UBR2: variants seen among roughly 807,000 people sequenced by gnomAD.
The protein encoded by UBR2 is ubiquitin protein ligase E3 component n-recognin 2.
UBR2 carries 92 observed loss-of-function variants against 247.9 expected under a neutral mutation model. That is an observed-to-expected ratio of 0.37 (90% CI 0.31 to 0.44). The LOEUF is 0.44. Ranked by LOEUF, UBR2 falls within the 20% of genes least tolerant of loss-of-function variation. The pLI is 1.00. For synonymous variants in UBR2, 672 were observed against 693.5 expected, an observed-to-expected ratio of 0.97 and a Z score of 0.49; for missense variants, 1,613 against 2,112.6, an observed-to-expected ratio of 0.76 and a Z score of 4.64.
chr6:42,640,481 A>C (rs1182607283), intron 16 of UBR2, among the ~76,000 whole-genome samples: 1 of 151,056 alleles, frequency 6.6e-6, no homozygotes, highest in African/African-American at 2.4e-5. Flanking sequence ...TGTTGTAAGG[A>C]ACTGGCTCAT....
chr6:42,594,973 A>G (rs779822321), intron 4 of UBR2, among the ~76,000 whole-genome samples: 7 of 152,200 alleles, frequency 4.6e-5, no homozygotes, highest in East Asian at 3.8e-4. Context: ...AAATCTTTCA[A>G]TGGTATGCTA....
rs200591128 is a variant in UBR2 at position 42,644,030 on chromosome 6, TG to T, written c.2098-183del. On this transcript the variant is annotated intron_variant, in intron 18 of 46. Coordinates refer to ENST00000372901, the MANE Select transcript of UBR2 (RefSeq NM_001363705.2). ...ATTTAGATTCCTTTCCACACTTGCCTGCTACCACAAGTAAGGATTGAGGTTA... is the reference window on the plus strand; with the variant it reads ...ATTTAGATTCCTTTCCACACTTGCCTCTACCACAAGTAAGGATTGAGGTTA... Among the ~76,000 whole-genome samples the T allele has an allele frequency of 4.5e-3, 684 of 152,318 alleles. 3 individuals carry two copies. The highest frequency in any genetic ancestry group is 0.014 in the African/African-American group (565 of 41,556).
At chr6:42,597,623 A>G (rs930895748) in intron 4 of UBR2, among the ~76,000 whole-genome samples, 2 of 151,586 alleles carry the variant, frequency 1.3e-5, no homozygotes, top group Non-Finnish European at 2.9e-5. Context: ...GTTTAAGAGA[A>G]ATGAAGTCAG....
At chr6:42,584,974 G>T (rs1792162786) in intron 2 of UBR2, among the ~76,000 whole-genome samples, 1 of 151,614 alleles carries the variant, frequency 6.6e-6, no homozygotes. Context: ...TAATCTTTTT[G>T]CCTTTCTTGT....
rs776232127 is a variant in UBR2 at position 42,637,169 on chromosome 6, C to T, written c.1833C>T (p.His611=). 1 of 1,612,246 alleles carries T rather than the reference C, an allele frequency of 6.2e-7. No homozygotes were observed. Among genetic ancestry groups the T allele is most frequent in the Admixed American group, 1.7e-5 (1 of 59,768 alleles). The stretch of plus-strand genomic sequence containing the variant: ...TTTCCCAAGAAAAAGTTAGCATTCA[C>T]CTCCCAGTTTCTCGCTTACTTGCAG... ...YCVSQEKVSI[H]LPVSRLLAGL... The change falls in exon 15 of 47, where the codon CAC becomes CAT. Residue 611 remains histidine (H), a synonymous_variant. Transcript: ENST00000372901.
chr6:42,641,738 C>T, intron 17 of UBR2, 46 bp downstream of exon 17: 1 of 1,512,656 alleles, frequency 6.6e-7, no homozygotes. Context: ...CCATTCTTGG[C>T]TTCTGTGAAG....
intron 3 of UBR2, 52 bp downstream of exon 3, chr6:42,592,281 T>C (rs1792717282): frequency 1.5e-6 from 2 of 1,326,144 alleles, no homozygotes; most frequent in Non-Finnish European, 2.0e-6. Flanking sequence ...TTATAATAAA[T>C]ATCTTTTCTT....
chr6:42,571,054 C>A (rs1791096386), intron 1 of UBR2, among the ~76,000 whole-genome samples: 1 of 148,568 alleles, frequency 6.7e-6, no homozygotes, highest in Admixed American at 6.8e-5. Flanking sequence ...AATCTATGAA[C>A]AAATTTGCTC....
intron 7 of UBR2, among the ~76,000 whole-genome samples, chr6:42,610,563 T>C (rs1414391232): frequency 6.6e-6 from 1 of 152,198 alleles, no homozygotes; most frequent in African/African-American, 2.4e-5. Flanking sequence ...AACATTATGC[T>C]AAGTGAAATA....
chr6:42,625,818 CTTT>C (rs112761416), intron 11 of UBR2, among the ~76,000 whole-genome samples: 2 of 144,376 alleles, frequency 1.4e-5, no homozygotes. Flanking sequence ...TTTTTCCCCC[CTTT>C]TTTTTTTTTT....
chr6:42,687,528 TTTTA>T (rs36075254), intron 44 of UBR2, among the ~76,000 whole-genome samples: 64 of 149,242 alleles, frequency 4.3e-4, no homozygotes, highest in African/African-American at 1.1e-3. Context: ...TTGTATTTTA[TTTTA>T]TTTATTTATT....
At chr6:42,642,529 T>C (rs752372009) in intron 18 of UBR2, 48 bp downstream of exon 18, 10 of 1,452,062 alleles carry the variant, frequency 6.9e-6, no homozygotes, top group South Asian at 1.2e-5. Context: ...GAATCTTTGC[T>C]TCTTGTTATT....
intron 8 of UBR2, among the ~76,000 whole-genome samples, chr6:42,613,585 A>C (rs955774279): frequency 3.3e-5 from 5 of 152,044 alleles, no homozygotes; most frequent in Non-Finnish European, 7.4e-5. Flanking sequence ...AAAGAAAATA[A>C]ATATCTTTAC....
Position 42,606,668 on chromosome 6 carries a change from C to T in UBR2, c.864+17C>T, listed in dbSNP as rs756772551. 6.3e-7 allele frequency: 1 copy of T among 1,577,426 alleles called. No homozygotes were observed. Among genetic ancestry groups the T allele is most frequent in the South Asian group, 1.2e-5 (1 of 85,430 alleles). On this transcript the variant is annotated intron_variant, in intron 7 of 46. Coordinates refer to ENST00000372901, the MANE Select transcript of UBR2 (RefSeq NM_001363705.2). Reference sequence around the variant, plus strand: ...GTAATTGTGGTAAGTAATTTAAAAACATGCTTATATTATTTTTTATTAGTT... The same window carrying T: ...GTAATTGTGGTAAGTAATTTAAAAATATGCTTATATTATTTTTTATTAGTT...
intron 44 of UBR2, among the ~76,000 whole-genome samples, chr6:42,685,827 T>A (rs1024870977): frequency 2.0e-5 from 3 of 151,568 alleles, no homozygotes; most frequent in Non-Finnish European, 2.9e-5. Context: ...CAGTTAGTCA[T>A]GATCGTGCCA....
At chr6:42,606,526 G>C (rs1354871927) in intron 6 of UBR2, 63 bp from the exon 7 acceptor site, 7 of 1,395,454 alleles carry the variant, frequency 5.0e-6, no homozygotes, top group African/African-American at 1.4e-5. Context: ...TTTGTTTACT[G>C]GTTTAAAAGT....
intron 1 of UBR2, among the ~76,000 whole-genome samples, chr6:42,565,224 G>A (rs1790709091): frequency 6.6e-6 from 1 of 152,180 alleles, no homozygotes; most frequent in South Asian, 2.1e-4. Flanking sequence ...GAATATGCTA[G>A]TGTAAATAGC....
intron 8 of UBR2, among the ~76,000 whole-genome samples, chr6:42,614,177 CAAAAAAA>C (rs1167450076): frequency 0.044 from 498 of 11,226 alleles, 2 homozygotes; most frequent in Admixed American, 0.084. Context: ...ACTCTGTCTC[CAAAAAAA>C]AAAAAAAAAA....
At position 42,592,161 on chromosome 6, in the gene UBR2, G is replaced by C; in HGVS notation, c.349G>C (p.Val117Leu). Residue 117 changes from valine to leucine, a missense_variant, in exon 3 of 47, where the codon GTT becomes CTT. Physicochemically the swap from Val to Leu is conservative, Grantham distance 32. This residue lies in a region of UBR2 where 1,524 missense variants were observed against 1,967.3 expected (regional missense o/e 0.77). Transcript: ENST00000372901. ...EPTYSCRDCA[V>L]DPTCVLCMEC... Reference sequence around the variant, plus strand: ...TTTTTAACTTTACAGAGACTGTGCAGTTGATCCAACTTGTGTTTTGTGCAT... The same window carrying C: ...TTTTTAACTTTACAGAGACTGTGCACTTGATCCAACTTGTGTTTTGTGCAT... 1 of 1,602,656 alleles carries C rather than the reference G, an allele frequency of 6.2e-7. No homozygotes were observed. The highest frequency in any genetic ancestry group is 8.5e-7 in the Non-Finnish European group (1 of 1,176,744).
Sources: allele counts gnomAD v4.1 joint callset (sites outside exome capture counted in the v4.1 genomes callset), GRCh38; gene constraint gnomAD v4.1.1; regional missense constraint gnomAD v4.1.1; transcripts MANE v1.5; gene names NCBI Gene and HGNC (gene_info 2026-07-23, HGNC 2026-07-21).